Variants in NEMP2 observed in about 807,000 individuals in gnomAD.
The protein encoded by NEMP2 is UPF0571 transmembrane protein.
In NEMP2, 53 loss-of-function variants were observed where a neutral mutation model predicts 54.2. That is an observed-to-expected ratio of 0.98 (90% CI 0.78 to 1.23). NEMP2 has a LOEUF of 1.23. NEMP2 is among the 50% of genes most tolerant of loss of function. The pLI is 0.00. For synonymous variants in NEMP2, 197 were observed against 190.3 expected (o/e 1.04, Z -0.29); for missense variants, 455 against 511.3 (o/e 0.89, Z 1.06).
At chr2:190,516,770 T>C (rs1690572676) in intron 5 of NEMP2, among the ~76,000 whole-genome samples, 1 of 152,180 alleles carries the variant, frequency 6.6e-6, no homozygotes, top group Non-Finnish European at 1.5e-5. Context: ...GAATTATTTA[T>C]CCTCAACTAA....
the NEMP2 span, among the ~76,000 whole-genome samples, chr2:190,548,454 A>G: frequency 6.6e-6 from 1 of 152,202 alleles, no homozygotes; most frequent in Non-Finnish European, 1.5e-5. Context: ...CAGCTCATCT[A>G]AACATACTAA....
Position 190,525,453 on chromosome 2 carries a change from G to A in NEMP2, c.98-75C>T, listed in dbSNP as rs2125336612. The stretch of plus-strand genomic sequence containing the variant: ...ATCTTTTTTAAAAAAAGTTTGCAGG[G>A]AGGTAACAGTAGCAGTTTTAACGTT... On this transcript the variant is annotated intron_variant, in intron 1 of 8. Transcript: ENST00000409150. The surrounding 1 kb of genome is among the most constrained non-coding windows in gnomAD (Gnocchi z 5.0). 1 of 789,514 alleles carries A rather than the reference G, an allele frequency of 1.3e-6. No individual in the cohort carries two copies. Among genetic ancestry groups the A allele is most frequent in the South Asian group, 1.8e-5 (1 of 55,006 alleles). The allele number at this position is 789,514 out of a possible 1,614,324, so 48.9% of individuals were successfully genotyped here. A position where few individuals can be genotyped will look rare whatever the true frequency, so the allele number is the denominator to read the frequency against.
At chr2:190,591,572 GT>G in the NEMP2 span, among the ~76,000 whole-genome samples, 1 of 152,090 alleles carries the variant, frequency 6.6e-6, no homozygotes, top group Non-Finnish European at 1.5e-5. This position sits in a 1 kb window ranked among gnomAD's most constrained non-coding sequence, Gnocchi z 5.4. Context: ...GTTAACAAAG[GT>G]TTCTGTGGTC....
chr2:190,578,110 T>A, the NEMP2 span, among the ~76,000 whole-genome samples: 1 of 152,218 alleles, frequency 6.6e-6, no homozygotes, highest in Non-Finnish European at 1.5e-5. This position sits in a 1 kb window ranked among gnomAD's most constrained non-coding sequence, Gnocchi z 4.4. Flanking sequence ...TGGGGTCTCC[T>A]GGGCTTGTGT....
the NEMP2 span, among the ~76,000 whole-genome samples, chr2:190,624,127 T>C: frequency 4.7e-4 from 71 of 151,092 alleles, no homozygotes; most frequent in African/African-American, 1.6e-3. Flanking sequence ...CAAAAAGGAG[T>C]TGGGGGGCAA....
At chr2:190,568,246 A>G in the NEMP2 span, 1 of 152,182 alleles carries the variant, frequency 6.6e-6, no homozygotes, top group Non-Finnish European at 1.5e-5. This position sits in a 1 kb window ranked among gnomAD's most constrained non-coding sequence, Gnocchi z 4.7. Context: ...GAGAGCAACA[A>G]GTGAGATTAA....
chr2:190,570,249 GA>G, the NEMP2 span, among the ~76,000 whole-genome samples: 3 of 152,288 alleles, frequency 2.0e-5, no homozygotes, highest in Admixed American at 2.0e-4. This position sits in a 1 kb window ranked among gnomAD's most constrained non-coding sequence, Gnocchi z 5.4. Context: ...AAATGTATAA[GA>G]AAATTTGCAT....
At chr2:190,472,889 G>A in the NEMP2 span, among the ~76,000 whole-genome samples, 3 of 152,120 alleles carry the variant, frequency 2.0e-5, no homozygotes, top group African/African-American at 7.2e-5. Flanking sequence ...GGTGATCTCT[G>A]GGCAGAAACT....
the NEMP2 span, among the ~76,000 whole-genome samples, chr2:190,621,717 T>C: frequency 6.6e-6 from 1 of 152,150 alleles, no homozygotes. Context: ...TGGAATAGAA[T>C]TGAGAGTCTG....
At chr2:190,545,234 T>G in the NEMP2 span, among the ~76,000 whole-genome samples, 1 of 74,480 alleles carries the variant, frequency 1.3e-5, no homozygotes. Flanking sequence ...TTTGACACCA[T>G]CCGATCTCAC....
chr2:190,556,283 T>TA, the NEMP2 span, among the ~76,000 whole-genome samples: 1 of 152,198 alleles, frequency 6.6e-6, no homozygotes, highest in Admixed American at 6.5e-5. Flanking sequence ...CAACAGCTCT[T>TA]CATGCTAAAA....
intron 2 of NEMP2, among the ~76,000 whole-genome samples, chr2:190,524,780 T>G (rs1329133314): frequency 6.6e-6 from 1 of 152,230 alleles, no homozygotes; most frequent in Non-Finnish European, 1.5e-5. Flanking sequence ...TTCACTGATG[T>G]ATCCTAGGAG....
downstream of NEMP2, chr2:190,499,930 T>C: frequency 1.3e-6 from 2 of 1,594,048 alleles, no homozygotes; most frequent in Non-Finnish European, 1.7e-6. This position sits in a 1 kb window ranked among gnomAD's most constrained non-coding sequence, Gnocchi z 6.0. Context: ...TCCCCATGTT[T>C]CCTGTCTTAC....
intron 2 of NEMP2, among the ~76,000 whole-genome samples, chr2:190,524,922 G>T (rs1690878795): frequency 6.6e-6 from 1 of 152,214 alleles, no homozygotes; most frequent in South Asian, 2.1e-4. Flanking sequence ...GGTTATTCCA[G>T]AATTTCTATT....
the NEMP2 span, among the ~76,000 whole-genome samples, chr2:190,611,908 A>G: frequency 6.6e-6 from 1 of 152,200 alleles, no homozygotes; most frequent in African/African-American, 2.4e-5. This position sits in a 1 kb window ranked among gnomAD's most constrained non-coding sequence, Gnocchi z 5.4. Context: ...AGAAATGCAG[A>G]TAAGGTCCGA....
the NEMP2 span, among the ~76,000 whole-genome samples, chr2:190,621,878 G>A: frequency 2.6e-5 from 4 of 152,212 alleles, no homozygotes; most frequent in African/African-American, 7.2e-5. Flanking sequence ...GGAGGCTGAG[G>A]CTGGTGACTC....
downstream of NEMP2, among the ~76,000 whole-genome samples, chr2:190,503,629 T>C (rs946614315): frequency 6.6e-6 from 1 of 152,102 alleles, no homozygotes; most frequent in South Asian, 2.1e-4. The surrounding 1 kb of genome is among the most constrained non-coding windows in gnomAD (Gnocchi z 6.3). Flanking sequence ...AAGAGGTGAT[T>C]TTCCATTTGG....
the NEMP2 span, chr2:190,648,745 C>G: frequency 6.6e-6 from 1 of 151,208 alleles, no homozygotes; most frequent in South Asian, 2.1e-4. Flanking sequence ...GCGGGAGCCG[C>G]CCACTCCCGG....
chr2:190,528,486 C>A lies in NEMP2; in HGVS notation c.98-3108G>T, dbSNP rs1691025848. On this transcript the variant is annotated intron_variant, in intron 1 of 8. Coordinates refer to ENST00000409150, the MANE Select transcript of NEMP2 (RefSeq NM_001142645.2). The surrounding 1 kb of genome is among the most constrained non-coding windows in gnomAD (Gnocchi z 4.3). ...CCTATCGTTGGAAAGGGAGTGCATT[C>A]CAGCAGGGCAGGTGAAGAGCATGAA... 6.6e-6 allele frequency among the ~76,000 whole-genome samples: 1 copy of A among 152,150 alleles called. No homozygotes were observed.
Sources: gnomAD v4.1 joint callset for allele counts (sites outside exome capture counted in the v4.1 genomes callset) on GRCh38, gnomAD v4.1.1 for gene constraint, Gnocchi (gnomAD v3.1) non-coding constraint, MANE v1.5 for transcripts, NCBI Gene and HGNC (gene_info 2026-07-23, HGNC 2026-07-21) for gene names.